GLIS1: variants seen among roughly 807,000 people sequenced by gnomAD.
GLIS1 encodes the protein GLIS family zinc finger 1.
In GLIS1, 24 loss-of-function variants were observed where a neutral mutation model predicts 63.8. That is an observed-to-expected ratio of 0.38 (90% confidence interval 0.27 to 0.53). GLIS1 has a LOEUF of 0.53. GLIS1 is among the 20% of genes least tolerant of loss of function. GLIS1 has a pLI of 0.85. For missense variants in GLIS1, 1,036 were observed against 1,074.1 expected (o/e 0.96, Z 0.50); for synonymous variants, 450 against 482.5 (o/e 0.93, Z 0.88).
At chr1:53,567,022 T>C (rs1055172611) in intron 4 of GLIS1, among the ~76,000 whole-genome samples, 1 of 152,060 alleles carries the variant, frequency 6.6e-6, no homozygotes, top group Non-Finnish European at 1.5e-5. Flanking sequence ...CAGGCAGAAG[T>C]TGGAACAATA....
chr1:53,513,286 G>A lies in GLIS1; in HGVS notation c.1883+1339C>T, dbSNP rs2986654. Among the ~76,000 whole-genome samples the A allele has an allele frequency of 6.2e-3, 940 of 152,020 alleles. 6 individuals are homozygous for A. The highest frequency in any genetic ancestry group is 0.01 in the Middle Eastern group (3 of 294). The stretch of plus-strand genomic sequence containing the variant: ...TGGCTTGGGATGCTGTCTGTCCAGC[G>A]CCCCACAGTCCACCCCACCCCTGCA... On this transcript the variant is annotated intron_variant, in intron 8 of 10. Coordinates refer to ENST00000628545, the MANE Select transcript of GLIS1 (RefSeq NM_001367484.1).
chr1:53,699,118 G>A lies in GLIS1; in HGVS notation c.259+38688C>T, dbSNP rs1198861866. On this transcript the variant is annotated intron_variant, in intron 2 of 10. Coordinates refer to ENST00000628545, the MANE Select transcript of GLIS1 (RefSeq NM_001367484.1). ...CTCATTCTGTCACCCAGGCTAGAGT[G>A]CAGTGGCATGATCTCGGCTCACTGC... Among the ~76,000 whole-genome samples the A allele has an allele frequency of 2.0e-5, 3 of 151,718 alleles. No individual in the cohort carries two copies. In the East Asian group the frequency reaches 5.8e-4, roughly 29 times the overall value.
intron 2 of GLIS1, among the ~76,000 whole-genome samples, chr1:53,677,768 T>C (rs887338045): frequency 2.0e-5 from 3 of 152,178 alleles, no homozygotes; most frequent in African/African-American, 7.2e-5. Flanking sequence ...CACCTCTCCC[T>C]GCTTCTCTGT....
In GLIS1 at chr1:53,526,074, G is replaced by A. The variant is rs970194878; in HGVS notation, c.1483-1187C>T. On this transcript the variant is annotated intron_variant, in intron 5 of 10. Transcript: ENST00000628545. This position sits in a 1 kb window ranked among gnomAD's most constrained non-coding sequence, Gnocchi z 4.4. ...TGAAGCTTACAAGGCTTCCCTTTGC[G>A]GACACGTCTAGTGCTTCCGCTCTCT... Among the ~76,000 whole-genome samples, 14 of 152,238 alleles carry A rather than the reference G, an allele frequency of 9.2e-5. No homozygotes were observed. Among genetic ancestry groups the A allele is most frequent in the Non-Finnish European group, 1.8e-4 (12 of 68,016 alleles).
chr1:53,732,739 C>A (rs1036887748), intron 2 of GLIS1, among the ~76,000 whole-genome samples: 2 of 151,730 alleles, frequency 1.3e-5, no homozygotes, highest in Non-Finnish European at 1.5e-5. Context: ...AAATAAACTA[C>A]CCCCCACCAA....
chr1:53,559,794 C>T (rs1644868333), intron 4 of GLIS1, among the ~76,000 whole-genome samples: 1 of 152,194 alleles, frequency 6.6e-6, no homozygotes, highest in Non-Finnish European at 1.5e-5. Flanking sequence ...CTCATCCACA[C>T]ACACTCACTG....
intron 2 of GLIS1, among the ~76,000 whole-genome samples, chr1:53,630,290 T>C (rs1467542276): frequency 1.3e-5 from 2 of 152,196 alleles, no homozygotes; most frequent in East Asian, 1.9e-4. Flanking sequence ...TTTGCCATTA[T>C]AAATAATGCT....
intron 2 of GLIS1, among the ~76,000 whole-genome samples, chr1:53,615,586 C>T (rs987843591): frequency 5.9e-5 from 9 of 152,174 alleles, no homozygotes; most frequent in African/African-American, 2.2e-4. Context: ...TAAACCCCAA[C>T]ATCCTTTAAA....
intron 2 of GLIS1, among the ~76,000 whole-genome samples, chr1:53,664,306 C>A (rs140352701): frequency 6.6e-6 from 1 of 152,186 alleles, no homozygotes; most frequent in African/African-American, 2.4e-5. Flanking sequence ...GGAAGCCCTA[C>A]CGGATGCTTC....
chr1:53,701,915 C>T (rs1482396297), intron 2 of GLIS1, among the ~76,000 whole-genome samples: 1 of 151,156 alleles, frequency 6.6e-6, no homozygotes, highest in African/African-American at 2.4e-5. Context: ...ATCACCTGAA[C>T]CCGAGAGGCA....
At chr1:53,693,299 C>T (rs1248853485) in intron 2 of GLIS1, among the ~76,000 whole-genome samples, 1 of 152,208 alleles carries the variant, frequency 6.6e-6, no homozygotes, top group Non-Finnish European at 1.5e-5. Flanking sequence ...ACCCAGGTCT[C>T]CCTGGGGGCA....
intron 2 of GLIS1, among the ~76,000 whole-genome samples, chr1:53,694,575 C>G (rs1646444410): frequency 6.6e-6 from 1 of 152,168 alleles, no homozygotes; most frequent in Non-Finnish European, 1.5e-5. Flanking sequence ...CAGCACCACC[C>G]AGGAAGAAAG....
chr1:53,661,424 C>G (rs572864277), intron 2 of GLIS1, among the ~76,000 whole-genome samples: 6 of 152,280 alleles, frequency 3.9e-5, no homozygotes, highest in African/African-American at 1.4e-4. Context: ...TGTCCTGGAA[C>G]AAGATTTTCA....
chr1:53,684,925 G>A (rs184551762), intron 2 of GLIS1, among the ~76,000 whole-genome samples: 2 of 152,066 alleles, frequency 1.3e-5, no homozygotes, highest in African/African-American at 4.8e-5. Flanking sequence ...TGGAAACAGA[G>A]GACACAGAGA....
At chr1:53,596,536 G>A (rs1645256622) in intron 3 of GLIS1, among the ~76,000 whole-genome samples, 2 of 152,234 alleles carry the variant, frequency 1.3e-5, no homozygotes, top group African/African-American at 2.4e-5. Context: ...GCCAGATCGA[G>A]TGAGATGGCC....
chr1:53,705,756 C>A (rs1407577303), intron 2 of GLIS1, among the ~76,000 whole-genome samples: 1 of 152,178 alleles, frequency 6.6e-6, no homozygotes, highest in Admixed American at 6.5e-5. Flanking sequence ...GGGAGCCTTC[C>A]ATCCCAAGCT....
At chr1:53,619,502 C>A (rs1375593235) in intron 2 of GLIS1, among the ~76,000 whole-genome samples, 6 of 152,234 alleles carry the variant, frequency 3.9e-5, no homozygotes, top group Admixed American at 3.9e-4. Flanking sequence ...TCATCTAAGC[C>A]TCTCAACAGT....
chr1:53,594,550 T>C lies in GLIS1; in HGVS notation c.878A>G (p.Lys293Arg), dbSNP rs1645231369. The change falls in exon 4 of 11, where the codon AAG becomes AGG. Residue 293 changes from lysine (K) to arginine (R), a missense_variant. Lys to Arg is a conservative substitution (Grantham distance 26). This residue lies in a region of GLIS1 where 592 missense variants were observed against 593.9 expected (regional missense o/e 1.00). Coordinates refer to ENST00000628545, the MANE Select transcript of GLIS1 (RefSeq NM_001367484.1). The stretch of plus-strand genomic sequence containing the variant: ...CGATGCAGGGCCAGGCCGGGCCCGC[T>C]TGGAAGGGCCCCCCAGATCTCCCGT... ...PLTGDLGGPSKRARPGPASTD... is the reference protein window; with the variant it reads ...PLTGDLGGPSRRARPGPASTD... 2 of 1,602,968 alleles carry C rather than the reference T, an allele frequency of 1.2e-6. No homozygotes were observed. The highest frequency in any genetic ancestry group is 1.1e-5 in the South Asian group (1 of 90,816).
At chr1:53,534,692 C>T (rs1318105133) in intron 4 of GLIS1, among the ~76,000 whole-genome samples, 2 of 150,290 alleles carry the variant, frequency 1.3e-5, no homozygotes, top group East Asian at 2.0e-4. Flanking sequence ...CTACTGTGCA[C>T]CCCCCATCCT....
Sources: allele counts gnomAD v4.1 joint callset (sites outside exome capture counted in the v4.1 genomes callset), GRCh38; gene constraint gnomAD v4.1.1; regional missense constraint gnomAD v4.1.1; non-coding constraint Gnocchi (gnomAD v3.1); transcripts MANE v1.5; gene names NCBI Gene and HGNC (gene_info 2026-07-23, HGNC 2026-07-21).